Variants in WDR70 observed in about 807,000 individuals in gnomAD.
WDR70 encodes the protein WD repeat-containing protein 70.
A neutral mutation model predicts 88.6 loss-of-function variants in WDR70; 53 were observed. The observed-to-expected ratio is 0.60, with a 90% CI of 0.48 to 0.75. WDR70 has a LOEUF of 0.75. Ranked by LOEUF, WDR70 falls within the 30% of genes least tolerant of loss-of-function variation. WDR70 has a pLI of 0.00. For missense variants in WDR70, 610 were observed against 823.2 expected, an observed-to-expected ratio of 0.74 and a Z score of 3.17; for synonymous variants, 280 against 270.0, an observed-to-expected ratio of 1.04 and a Z score of -0.36.
At chr5:37,393,257 G>T (rs1007750187) in intron 4 of WDR70, among the ~76,000 whole-genome samples, 2 of 151,920 alleles carry the variant, frequency 1.3e-5, no homozygotes, top group South Asian at 4.1e-4. Context: ...GGCCAGGCTG[G>T]TCTTGAACTC....
chr5:37,426,619 C>T (rs914593079), intron 5 of WDR70, among the ~76,000 whole-genome samples: 15 of 152,178 alleles, frequency 9.9e-5, no homozygotes, highest in African/African-American at 3.4e-4. Flanking sequence ...TTGGGGAAAG[C>T]ACCTTCCCTC....
chr5:37,557,911 G>T (rs1742341889), intron 9 of WDR70, among the ~76,000 whole-genome samples: 7 of 131,532 alleles, frequency 5.3e-5, no homozygotes, highest in Non-Finnish European at 8.7e-5. Context: ...ATACTCTTTT[G>T]AAAACTCTTC....
intron 8 of WDR70, among the ~76,000 whole-genome samples, chr5:37,488,501 A>ATTT (rs1739963246): frequency 7.2e-5 from 2 of 27,688 alleles, no homozygotes; most frequent in Admixed American, 6.6e-4. Context: ...TTTGTTCTTT[A>ATTT]CTTTTTTTTT....
chr5:37,492,384 CTTG>C (rs1283955591), intron 8 of WDR70, among the ~76,000 whole-genome samples: 2 of 152,156 alleles, frequency 1.3e-5, no homozygotes, highest in African/African-American at 4.8e-5. Flanking sequence ...ACCCAAAGCT[CTTG>C]TTGTAGGGTG....
chr5:37,679,589 G>T (rs893178609), intron 10 of WDR70, among the ~76,000 whole-genome samples: 1 of 152,216 alleles, frequency 6.6e-6, no homozygotes, highest in Non-Finnish European at 1.5e-5. Flanking sequence ...CGTTCCTCTG[G>T]AAGTTTTGTC....
intron 17 of WDR70, among the ~76,000 whole-genome samples, chr5:37,744,109 C>A (rs1056349443): frequency 6.6e-6 from 1 of 152,132 alleles, no homozygotes; most frequent in Non-Finnish European, 1.5e-5. Context: ...AGTGACATCT[C>A]CAGGCATGGG....
intron 9 of WDR70, among the ~76,000 whole-genome samples, chr5:37,570,616 T>C (rs75881690): frequency 0.019 from 2,961 of 151,988 alleles, 89 homozygotes; most frequent in African/African-American, 0.067. Flanking sequence ...AACCAAGAAA[T>C]AGGAGGAAAA....
chr5:37,747,712 A>G (rs1313274207), intron 17 of WDR70, among the ~76,000 whole-genome samples: 1 of 152,208 alleles, frequency 6.6e-6, no homozygotes. Context: ...CTGTTTGCAG[A>G]TGACATGATT....
At chr5:37,516,908 G>A (rs1431756321) in intron 9 of WDR70, among the ~76,000 whole-genome samples, 1 of 151,692 alleles carries the variant, frequency 6.6e-6, no homozygotes, top group Non-Finnish European at 1.5e-5. Context: ...TTTTAGTAGA[G>A]ACGGGGTTTC....
intron 9 of WDR70, among the ~76,000 whole-genome samples, chr5:37,604,636 T>TTA (rs951872450): frequency 2.0e-5 from 3 of 152,232 alleles, no homozygotes; most frequent in Admixed American, 2.0e-4. Context: ...TTTTAATGAC[T>TTA]TATTTTTCAG....
intron 10 of WDR70, among the ~76,000 whole-genome samples, chr5:37,656,389 T>G (rs1303603701): frequency 2.6e-5 from 4 of 152,206 alleles, no homozygotes; most frequent in Non-Finnish European, 4.4e-5. Context: ...CGACCCCTCC[T>G]GGGAGGTGTC....
At chr5:37,540,428 C>T (rs1160752857) in intron 9 of WDR70, among the ~76,000 whole-genome samples, 1 of 151,464 alleles carries the variant, frequency 6.6e-6, no homozygotes, top group African/African-American at 2.5e-5. Context: ...GTTTGCCAGG[C>T]TGGAGTGCAG....
At chr5:37,465,067 A>T (rs1739113507) in intron 7 of WDR70, among the ~76,000 whole-genome samples, 2 of 152,204 alleles carry the variant, frequency 1.3e-5, no homozygotes, top group African/African-American at 4.8e-5. Flanking sequence ...GACAAATTTA[A>T]ACACAAGTCC....
intron 9 of WDR70, among the ~76,000 whole-genome samples, chr5:37,541,433 C>G (rs1741811499): frequency 6.6e-6 from 1 of 152,090 alleles, no homozygotes; most frequent in African/African-American, 2.4e-5. Flanking sequence ...CTTGCTAATA[C>G]TTAAAAAAGT....
In WDR70 at chr5:37,701,121, G is replaced by T; in HGVS notation, c.1256G>T (p.Gly419Val). 2 of 1,609,234 alleles carry T rather than the reference G, an allele frequency of 1.2e-6. No individual in the cohort carries two copies. Among genetic ancestry groups the T allele is most frequent in the Non-Finnish European group, 1.7e-6 (2 of 1,176,028 alleles). ...QFNKPLFSAS[G>V]LPTMFPMTDC... is the part of the protein sequence containing the mutation. ...AATAAACCACTTTTTTCAGCCTCGG[G>T]TCTTCCCACCATGTTCCCAATGTAA... The change falls in exon 12 of 18, where the codon GGT (glycine) becomes GTT (valine). Residue 419 changes from glycine to valine, a missense_variant. Transcript: ENST00000265107.
intron 9 of WDR70, among the ~76,000 whole-genome samples, chr5:37,552,555 C>A (rs547639860): frequency 6.6e-6 from 1 of 152,216 alleles, no homozygotes; most frequent in African/African-American, 2.4e-5. Flanking sequence ...AAAGTAGTTA[C>A]CAAGAATGGT....
chr5:37,481,725 T>TA (rs1241557635), intron 8 of WDR70, among the ~76,000 whole-genome samples: 2 of 152,236 alleles, frequency 1.3e-5, no homozygotes, highest in African/African-American at 2.4e-5. Context: ...CCTCATTACT[T>TA]ATGCAAATTT....
chr5:37,384,695 A>G (rs1748550210), intron 3 of WDR70, among the ~76,000 whole-genome samples: 1 of 146,242 alleles, frequency 6.8e-6, no homozygotes, highest in Non-Finnish European at 1.5e-5. Context: ...AAATTTCACC[A>G]TGTTGTCCAG....
At chr5:37,405,353 CT>C (rs1224187351) in intron 5 of WDR70, among the ~76,000 whole-genome samples, 245 of 144,398 alleles carry the variant, frequency 1.7e-3, no homozygotes, top group Middle Eastern at 3.6e-3. Flanking sequence ...TTGCCTTATA[CT>C]TTTTTTTTTT....
Sources: allele counts gnomAD v4.1 joint callset (sites outside exome capture counted in the v4.1 genomes callset), GRCh38; gene constraint gnomAD v4.1.1; transcripts MANE v1.5; gene names NCBI Gene and HGNC (gene_info 2026-07-23, HGNC 2026-07-21).